SIGIRR: variants seen among roughly 807,000 people sequenced by gnomAD.
SIGIRR encodes single Ig and TIR domain containing.
SIGIRR carries 41 observed loss-of-function variants against 45.6 expected under a neutral mutation model. The observed-to-expected ratio is 0.90, with a 90% CI of 0.70 to 1.17. The LOEUF is 1.17. SIGIRR is among the 50% of genes most tolerant of loss of function. SIGIRR has a pLI of 0.00. For missense variants in SIGIRR, 599 were observed against 539.6 expected, an observed-to-expected ratio of 1.11 and a Z score of -1.09; for synonymous variants, 298 against 239.0, an observed-to-expected ratio of 1.25 and a Z score of -2.28.
chr11:411,599 G>C lies in SIGIRR; in HGVS notation c.-153-1572C>G, dbSNP rs189775176. Among the ~76,000 whole-genome samples the C allele has an allele frequency of 6.5e-3, 804 of 123,804 alleles. 8 individuals carry two copies. The highest frequency in any genetic ancestry group is 0.022 in the African/African-American group (770 of 34,414). 81.2% of individuals were successfully genotyped at this position (123,804 alleles called of 152,430 possible). A position where few individuals can be genotyped will look rare whatever the true frequency, so the allele number is the denominator to read the frequency against. On this transcript the variant is annotated intron_variant, in intron 1 of 9. Transcript: ENST00000431843. ...CTGACCATGTCTGGATACAGTCGGC[G>C]GGGGGTGCCCAGCTCTGACCATGTC...
intron 8 of SIGIRR, 64 bp from the exon 9 acceptor site, chr11:406,602 C>A: frequency 6.6e-7 from 1 of 1,525,036 alleles, no homozygotes; most frequent in Non-Finnish European, 8.8e-7. Context: ...CGTCCTGGCC[C>A]CCAAGAGCAC....
At chr11:406,213 A>C in intron 9 of SIGIRR, 136 bp downstream of exon 9, 1 of 1,539,068 alleles carries the variant, frequency 6.5e-7, no homozygotes, top group South Asian at 1.2e-5. Context: ...TCCAGGGCAG[A>C]GGCCGTGCAG....
At chr11:406,127 G>T in intron 9 of SIGIRR, 68 bp from the exon 10 acceptor site, 1 of 1,539,842 alleles carries the variant, frequency 6.5e-7, no homozygotes, top group Admixed American at 2.0e-5. Context: ...ACTGCCAGGG[G>T]CTGCCCCTGC....
chr11:406,595 C>T (rs1190436722), intron 8 of SIGIRR, 57 bp from the exon 9 acceptor site: 1 of 1,536,888 alleles, frequency 6.5e-7, no homozygotes, highest in African/African-American at 1.4e-5. Context: ...CCCCTGGCGT[C>T]CTGGCCCCCA....
chr11:407,109 C>A lies in SIGIRR; in HGVS notation c.681G>T (p.Val227=). The A allele has an allele frequency of 6.6e-7, 1 of 1,526,650 alleles. No homozygotes were observed. Among genetic ancestry groups the A allele is most frequent in the Admixed American group, 2.0e-5 (1 of 51,238 alleles). The allele number at this position is 1,526,650 out of a possible 1,614,324, so 94.6% of individuals were successfully genotyped here. ...CCCGGCTCAGGAAGGCGTCCGAAAG[C>A]ACCACGATGAGGCGTCGGCAGCGGC... ...NLSRCRRLIV[V]LSDAFLSRAW... is the part of the protein sequence containing the mutation. Residue 227 remains valine, a synonymous_variant, in exon 7 of 10, where the codon GTG becomes GTT. Coordinates refer to ENST00000431843, the MANE Select transcript of SIGIRR (RefSeq NM_001135054.2).
At position 407,955 on chromosome 11, in the gene SIGIRR, G is replaced by C. The variant is rs565682134; in HGVS notation, c.343C>G (p.Pro115Ala). The C allele has an allele frequency of 1.2e-6, 2 of 1,606,384 alleles. No homozygotes were observed. The highest frequency in any genetic ancestry group is 1.7e-6 in the Non-Finnish European group (2 of 1,176,170). The change falls in exon 5 of 10, where the codon CCT becomes GCT. Residue 115 changes from proline (P) to alanine (A), a missense_variant and splice_region_variant. Pro to Ala is a conservative substitution (Grantham distance 27, BLOSUM62 -1). Coordinates refer to ENST00000431843, the MANE Select transcript of SIGIRR (RefSeq NM_001135054.2). ...FSSFTLQRAG[P>A]TSHVAAVLAS... ...AGCACCGCAGCCACGTGGCTTGTAG[G>C]GCCTGCGGATGGGTTGCCTGAGCCG...
In SIGIRR at chr11:406,010, A is replaced by T; in HGVS notation, c.1119T>A (p.Ser373Arg). ...TCCGGCTCTCTCCCAGCGAGACCCC[A>T]CTGGTGTGCGGTGGAGCTGATGGCT... ...FGEPSAPPHT[S>R]GVSLGESRSS... The change falls in exon 10 of 10, where the codon AGT becomes AGA. Residue 373 changes from serine to arginine, a missense_variant. By Grantham distance (110) the Ser-to-Arg change is moderately radical. Coordinates refer to ENST00000431843, the MANE Select transcript of SIGIRR (RefSeq NM_001135054.2). The T allele has an allele frequency of 6.2e-7, 1 of 1,609,884 alleles. No homozygotes were observed. The highest frequency in any genetic ancestry group is 8.5e-7 in the Non-Finnish European group (1 of 1,178,752).
rs368810026 is a variant in SIGIRR, at chr11:407,961, C to T, written c.341-4G>A. The T allele has an allele frequency of 4.4e-6, 7 of 1,603,968 alleles. No individual in the cohort carries two copies. The highest frequency in any genetic ancestry group is 4.5e-5 in the East Asian group (2 of 44,776). On this transcript the variant is annotated splice_region_variant and splice_polypyrimidine_tract_variant and intron_variant, in intron 4 of 9. Coordinates refer to ENST00000431843, the MANE Select transcript of SIGIRR (RefSeq NM_001135054.2). ...GCAGCCACGTGGCTTGTAGGGCCTG[C>T]GGATGGGTTGCCTGAGCCGCTGCCC...
In SIGIRR at chr11:406,540, TG is replaced by T; in HGVS notation, c.880-3del. On this transcript the variant is annotated splice_region_variant and splice_polypyrimidine_tract_variant and intron_variant, in intron 8 of 9. Coordinates refer to ENST00000431843, the MANE Select transcript of SIGIRR (RefSeq NM_001135054.2). ...TTTCCAAAAATCGGAGGAAGGAGTC[TG>T]GGGGCCAGGTCGGGGCGGTTTGCAG... 2 of 1,607,316 alleles carry T rather than the reference TG, an allele frequency of 1.2e-6. No individual in the cohort carries two copies. The highest frequency in any genetic ancestry group is 1.7e-4 in the Middle Eastern group (1 of 5,930).
chr11:409,776 G>A, intron 2 of SIGIRR, 92 bp downstream of exon 2: 2 of 1,308,962 alleles, frequency 1.5e-6, no homozygotes, highest in Non-Finnish European at 2.0e-6. Flanking sequence ...CAGAGTGCCT[G>A]GGATAAGAGC....
At position 413,357 on chromosome 11, in the gene SIGIRR, G is replaced by A. The variant is rs563712360; in HGVS notation, c.-154+1466C>T. 2.0e-5 allele frequency among the ~76,000 whole-genome samples: 3 copies of A among 152,082 alleles called. No individual in the cohort carries two copies. The East Asian group carries it at 5.8e-4, about 29-fold the overall frequency. The stretch of plus-strand genomic sequence containing the variant: ...CCTTGAAGAAGTCCTTTGCGGTGGA[G>A]GACACTCCAAGGAAAGTCCTTGACC... On this transcript the variant is annotated intron_variant, in intron 1 of 9. Transcript: ENST00000431843.
upstream of SIGIRR, among the ~76,000 whole-genome samples, chr11:416,456 A>C (rs915418404): frequency 6.6e-6 from 1 of 151,878 alleles, no homozygotes; most frequent in Non-Finnish European, 1.5e-5. The surrounding 1 kb of genome is among the most constrained non-coding windows in gnomAD (Gnocchi z 9.1). Context: ...AGGCGCCCAG[A>C]ATCTCAGTCC....
At position 406,263 on chromosome 11, in the gene SIGIRR, C is replaced by T. The variant is rs186311780; in HGVS notation, c.1069+86G>A. Reference sequence around the variant, plus strand: ...GGGAAGAGTCCTCAACACCTGGAGCCCCTCCAGGCCCTGTGCCCTGTGCCT... The same window carrying T: ...GGGAAGAGTCCTCAACACCTGGAGCTCCTCCAGGCCCTGTGCCCTGTGCCT... On this transcript the variant is annotated intron_variant, in intron 9 of 9. Coordinates refer to ENST00000431843, the MANE Select transcript of SIGIRR (RefSeq NM_001135054.2). 1,032 of 1,553,140 alleles carry T rather than the reference C, an allele frequency of 6.6e-4. 7 individuals are homozygous for T. In the African/African-American group the frequency reaches 0.013, roughly 20 times the overall value.
In SIGIRR at chr11:407,119, A is replaced by ATCTACAC; in HGVS notation, c.670_671insGTGTAGA (p.Leu224ArgfsTer119). 1.3e-6 allele frequency: 2 copies of ATCTACAC among 1,520,578 alleles called. No homozygotes were observed. The highest frequency in any genetic ancestry group is 2.0e-5 in the Admixed American group (1 of 51,050). 94.2% of individuals were successfully genotyped at this position (1,520,578 alleles called of 1,614,324 possible). A position where few individuals can be genotyped will look rare whatever the true frequency, so the allele number is the denominator to read the frequency against. On this transcript the variant is annotated frameshift_variant, in exon 7 of 10. Coordinates refer to ENST00000431843, the MANE Select transcript of SIGIRR (RefSeq NM_001135054.2). LOFTEE classifies it high-confidence loss of function. ...GAAGGCGTCCGAAAGCACCACGATG[A>ATCTACAC]GGCGTCGGCAGCGGCTCAGGTTCAC...
intron 1 of SIGIRR, among the ~76,000 whole-genome samples, chr11:414,376 T>G (rs1248148576): frequency 2.6e-4 from 14 of 54,632 alleles, no homozygotes; most frequent in Non-Finnish European, 1.4e-4. Flanking sequence ...CCCCCTCCCC[T>G]CCCTAACTTC....
At chr11:416,245 G>A (rs1406949820), upstream of SIGIRR, among the ~76,000 whole-genome samples, 1 of 152,082 alleles carries the variant, frequency 6.6e-6, no homozygotes, top group African/African-American at 2.4e-5. This position sits in a 1 kb window ranked among gnomAD's most constrained non-coding sequence, Gnocchi z 9.1. Flanking sequence ...AGGCCCTGGG[G>A]TCAGCCGCCA....
In SIGIRR at chr11:407,475, C is replaced by T. The variant is rs1348130325; in HGVS notation, c.575G>A (p.Arg192His). The T allele has an allele frequency of 1.9e-6, 3 of 1,578,846 alleles. No homozygotes were observed. The highest frequency in any genetic ancestry group is 2.4e-5 in the East Asian group (1 of 42,346). Residue 192 changes from arginine (R) to histidine (H), a missense_variant, in exon 6 of 10, where the codon CGT becomes CAT. Transcript: ENST00000431843. Reference protein sequence around the residue: ...NFILKPQLERRRGYKLFLDDR... With the variant: ...NFILKPQLERHRGYKLFLDDR... ...GTCCAGGAAGAGCTTGTAGCCCCGACGCCGCTCCAGCTGCGGCTTTAGGAT... is the reference window on the plus strand; with the variant it reads ...GTCCAGGAAGAGCTTGTAGCCCCGATGCCGCTCCAGCTGCGGCTTTAGGAT...
chr11:406,392 C>T lies in SIGIRR; in HGVS notation c.1026G>A (p.Arg342=), dbSNP rs976075687. ...CCGGGTCCACCTCTGAGTCCAGGGC[C>T]CGGCCCTCAGGGACTCGGCCTCGAA... is the stretch of plus-strand genomic sequence containing the variant. ...LILRGRVPEG[R]ALDSEVDPDP... Residue 342 remains arginine, a synonymous_variant, in exon 9 of 10, where the codon CGG becomes CGA. Transcript: ENST00000431843. 22 of 1,612,576 alleles carry T rather than the reference C, an allele frequency of 1.4e-5. No homozygotes were observed. Among genetic ancestry groups the T allele is most frequent in the Non-Finnish European group, 1.7e-5 (20 of 1,179,886 alleles).
Position 406,883 on chromosome 11 carries a change from C to G in SIGIRR, c.839G>C (p.Arg280Pro). The G allele has an allele frequency of 6.3e-7, 1 of 1,582,190 alleles. No individual in the cohort carries two copies. The highest frequency in any genetic ancestry group is 8.5e-7 in the Non-Finnish European group (1 of 1,170,278). ...CCAGAGCAGCAAGGTCACCAGGTGG[C>G]GGTGCTGGCGCAGCAGGCGGAGCGC... ...HPALRLLRQH[R>P]HLVTLLLWRP... The change falls in exon 8 of 10, where the codon CGC (arginine) becomes CCC (proline). Residue 280 changes from arginine to proline, a missense_variant. Transcript: ENST00000431843.
Sources: allele counts gnomAD v4.1 joint callset (sites outside exome capture counted in the v4.1 genomes callset), GRCh38; gene constraint gnomAD v4.1.1; non-coding constraint Gnocchi (gnomAD v3.1); transcripts MANE v1.5; gene names NCBI Gene and HGNC (gene_info 2026-07-23, HGNC 2026-07-21).